The following DOCK10 variants were observed in gnomAD, a reference collection of about 807,000 sequenced individuals.
DOCK10 encodes dedicator of cytokinesis 10, also known as dedicator of cytokinesis protein 10.
Under a neutral mutation model 280.1 loss-of-function variants are expected in DOCK10, and 145 were observed. That is an observed-to-expected ratio of 0.52 (90% confidence interval 0.45 to 0.59). DOCK10 has a LOEUF of 0.59. DOCK10 is among the 20% of genes least tolerant of loss of function. DOCK10 has a pLI of 0.00. For synonymous variants in DOCK10, 915 were observed against 942.2 expected, an observed-to-expected ratio of 0.97 and a Z score of 0.53; for missense variants, 2,368 against 2,651.7, an observed-to-expected ratio of 0.89 and a Z score of 2.35.
intron 3 of DOCK10, among the ~76,000 whole-genome samples, chr2:224,902,728 AG>A (rs1297841190): frequency 6.6e-6 from 1 of 151,244 alleles, no homozygotes; most frequent in African/African-American, 2.4e-5. Flanking sequence ...GTCTTCAACT[AG>A]ATCACACCAT....
At chr2:224,903,088 A>G (rs1418374985) in intron 3 of DOCK10, among the ~76,000 whole-genome samples, 2 of 152,230 alleles carry the variant, frequency 1.3e-5, no homozygotes, top group African/African-American at 2.4e-5. Flanking sequence ...ACAGAGCGAG[A>G]CTCCGTCTCA....
Position 224,841,880 on chromosome 2 carries a change from G to T in DOCK10, c.2585C>A (p.Ala862Glu). ...TCTTTTTTGGCACTCTTGGAAAAATGCATTCACATGTGGATCCTACAACAG... is the reference window on the plus strand; with the variant it reads ...TCTTTTTTGGCACTCTTGGAAAAATTCATTCACATGTGGATCCTACAACAG... ...TVNTQDPHVN[A>E]FFQECQKREK... Residue 862 changes from alanine (A) to glutamate (E), a missense_variant, in exon 23 of 56, where the codon GCA (alanine) becomes GAA (glutamate). Physicochemically the swap from Ala to Glu is moderately radical, Grantham distance 107. Coordinates refer to ENST00000258390, the MANE Select transcript of DOCK10 (RefSeq NM_014689.3). The T allele has an allele frequency of 6.2e-7, 1 of 1,612,052 alleles. No individual in the cohort carries two copies. Among genetic ancestry groups the T allele is most frequent in the South Asian group, 1.1e-5 (1 of 91,032 alleles).
chr2:224,805,322 T>A lies in DOCK10; in HGVS notation c.3937-2A>T. 1 of 1,612,846 alleles carries A rather than the reference T, an allele frequency of 6.2e-7. No homozygotes were observed. The highest frequency in any genetic ancestry group is 1.3e-5 in the African/African-American group (1 of 74,964). On this transcript the variant is annotated splice_acceptor_variant, in intron 35 of 55. Transcript: ENST00000258390. LOFTEE classifies it high-confidence loss of function. This position sits in a 1 kb window ranked among gnomAD's most constrained non-coding sequence, Gnocchi z 4.3. ...AATCAAAGACAAGGGTCTTGGGATC[T>A]GGGAATTCAAGAACCAATCAGGATT...
In DOCK10 at chr2:224,774,905, T is replaced by C; in HGVS notation, c.6013A>G (p.Thr2005Ala). ...EQCKRRTILT[T>A]SHLFPYVKKR... ...GTGTGGCCCGGCTACCTGCACCTAC[T>C]TGTCAGGATCGTCCGCCGCTTGCAC... Residue 2005 changes from threonine to alanine, a missense_variant and splice_region_variant, in exon 52 of 56, where the codon ACG becomes GCG. By Grantham distance (58) the Thr-to-Ala change is moderately conservative. This residue lies in a region of DOCK10 where 1,159 missense variants were observed against 1,400.8 expected (regional missense o/e 0.83). Transcript: ENST00000258390. 6.3e-7 allele frequency: 1 copy of C among 1,585,782 alleles called. No individual in the cohort carries two copies. The highest frequency in any genetic ancestry group is 1.1e-5 in the South Asian group (1 of 87,490).
rs1692585840 is a variant in DOCK10, at chr2:224,796,477, C to T, written c.4828-51G>A. On this transcript the variant is annotated intron_variant, in intron 43 of 55. Coordinates refer to ENST00000258390, the MANE Select transcript of DOCK10 (RefSeq NM_014689.3). ...CAAAAACAAGACCAGAAATAGTCTT[C>T]TTAAAGAAATCCACTGGGCTGGGTA... 5 of 1,179,546 alleles carry T rather than the reference C, an allele frequency of 4.2e-6. No individual in the cohort carries two copies. In the Admixed American group the frequency reaches 6.4e-5, roughly 15 times the overall value. 73.1% of individuals were successfully genotyped at this position (1,179,546 alleles called of 1,614,324 possible).
rs114660534 is a variant in DOCK10 at position 224,945,653 on chromosome 2, G to A, written c.124-13985C>T. 9.0e-3 allele frequency among the ~76,000 whole-genome samples: 1,364 copies of A among 151,842 alleles called. 26 individuals are homozygous for A. Among genetic ancestry groups the A allele is most frequent in the African/African-American group, 0.029 (1,194 of 41,248 alleles). Reference sequence around the variant, plus strand: ...CAACGTACTTATTCATATTTATAAAGAGCCTATATATATGCATGTGTGTGC... The same window carrying A: ...CAACGTACTTATTCATATTTATAAAAAGCCTATATATATGCATGTGTGTGC... On this transcript the variant is annotated intron_variant, in intron 1 of 55. Coordinates refer to ENST00000258390, the MANE Select transcript of DOCK10 (RefSeq NM_014689.3).
At chr2:224,894,785 C>G (rs1699889986) in intron 4 of DOCK10, among the ~76,000 whole-genome samples, 1 of 152,090 alleles carries the variant, frequency 6.6e-6, no homozygotes, top group Non-Finnish European at 1.5e-5. Context: ...TAATGAAACC[C>G]CAAAATAAAT....
At chr2:224,814,433 T>C in intron 30 of DOCK10, 69 bp from the exon 31 acceptor site, 1 of 849,006 alleles carries the variant, frequency 1.2e-6, no homozygotes, top group Admixed American at 3.2e-5. Flanking sequence ...GTATTCATTA[T>C]GTGTAGTTTA....
At chr2:225,009,170 A>AG in intron 1 of DOCK10, among the ~76,000 whole-genome samples, 1 of 152,180 alleles carries the variant, frequency 6.6e-6, no homozygotes. Context: ...CGCCTAAGTA[A>AG]GGGGGTCACA....
At chr2:224,998,530 A>G (rs1706338484) in intron 1 of DOCK10, among the ~76,000 whole-genome samples, 1 of 151,148 alleles carries the variant, frequency 6.6e-6, no homozygotes, top group African/African-American at 2.4e-5. Context: ...TCCATCAATC[A>G]TTCCTCTCCC....
chr2:224,978,319 G>C (rs1451876034), intron 1 of DOCK10, among the ~76,000 whole-genome samples: 2 of 152,160 alleles, frequency 1.3e-5, no homozygotes, highest in Non-Finnish European at 2.9e-5. Context: ...TGTAATCCCA[G>C]CTACTTGGGA....
At position 224,956,625 on chromosome 2, in the gene DOCK10, G is replaced by GAAAAAAAAAAAAAAA. The variant is rs3083983; in HGVS notation, c.124-24972_124-24958dup. 3.8e-5 allele frequency among the ~76,000 whole-genome samples: 3 copies of GAAAAAAAAAAAAAAA among 78,656 alleles called. 1 individual carries two copies. The highest frequency in any genetic ancestry group is 1.5e-4 in the Admixed American group (1 of 6,486). 51.6% of individuals were successfully genotyped at this position (78,656 alleles called of 152,430 possible). ...GGCAACAGGGCGAGACGCTACCTCAGAAAAAAAAAAAAAAAAAAAAAAAAA... is the reference window on the plus strand; with the variant it reads ...GGCAACAGGGCGAGACGCTACCTCAGAAAAAAAAAAAAAAAAAAAAAAAAAAAAAAAAAAAAAAAA... On this transcript the variant is annotated intron_variant, in intron 1 of 55. Coordinates refer to ENST00000258390, the MANE Select transcript of DOCK10 (RefSeq NM_014689.3).
chr2:224,981,254 T>C (rs1185576329), intron 1 of DOCK10, among the ~76,000 whole-genome samples: 6 of 152,222 alleles, frequency 3.9e-5, no homozygotes, highest in Non-Finnish European at 8.8e-5. Flanking sequence ...AATATTGATT[T>C]GTTGAAGAAG....
chr2:224,792,528 C>T (rs1252735346), intron 47 of DOCK10, among the ~76,000 whole-genome samples: 2 of 152,220 alleles, frequency 1.3e-5, no homozygotes, highest in Admixed American at 6.5e-5. Context: ...AAGTGATCTG[C>T]TCACCTTGGC....
At chr2:224,961,472 C>CTTTCTTTCT (rs1559874249) in intron 1 of DOCK10, among the ~76,000 whole-genome samples, 2 of 102,940 alleles carry the variant, frequency 1.9e-5, no homozygotes, top group Non-Finnish European at 4.1e-5. Flanking sequence ...CTTTCTTTTT[C>CTTTCTTTCT]TTTCTTTCTT....
intron 3 of DOCK10, among the ~76,000 whole-genome samples, chr2:224,898,864 C>A (rs757365744): frequency 6.6e-6 from 1 of 152,198 alleles, no homozygotes; most frequent in Non-Finnish European, 1.5e-5. Flanking sequence ...CGTGAGCCAC[C>A]GCACCGGGCT....
At chr2:224,771,780 A>G (rs1690456100) in intron 53 of DOCK10, among the ~76,000 whole-genome samples, 1 of 152,116 alleles carries the variant, frequency 6.6e-6, no homozygotes, top group African/African-American at 2.4e-5. Context: ...GTGCCTAGGG[A>G]AGTCATCTTG....
chr2:225,037,984 A>G (rs1410300889), intron 1 of DOCK10, among the ~76,000 whole-genome samples: 1 of 152,214 alleles, frequency 6.6e-6, no homozygotes, highest in East Asian at 1.9e-4. Context: ...TTCTCCAGGC[A>G]AAGAGGTCAA....
At chr2:224,811,405 G>T (rs555268100) in intron 31 of DOCK10, among the ~76,000 whole-genome samples, 1 of 152,260 alleles carries the variant, frequency 6.6e-6, no homozygotes, top group South Asian at 2.1e-4. Context: ...AAATGAGTAG[G>T]TTGTGAAAAT....
Sources: allele counts gnomAD v4.1 joint callset (sites outside exome capture counted in the v4.1 genomes callset), GRCh38; gene constraint gnomAD v4.1.1; regional missense constraint gnomAD v4.1.1; non-coding constraint Gnocchi (gnomAD v3.1); transcripts MANE v1.5; gene names NCBI Gene and HGNC (gene_info 2026-07-23, HGNC 2026-07-21).